Variants in SLFN5 observed in about 807,000 individuals in gnomAD.
SLFN5 encodes schlafen family member 5.
A neutral mutation model predicts 48.5 loss-of-function variants in SLFN5; 34 were observed. That is an observed-to-expected ratio of 0.70 (90% CI 0.53 to 0.93). The LOEUF (loss-of-function observed/expected upper bound fraction) is 0.93. Ranked by LOEUF, SLFN5 falls within the 40% of genes least tolerant of loss-of-function variation. The pLI, the probability that SLFN5 is intolerant of heterozygous loss-of-function variation, is 0.00. For synonymous variants in SLFN5, 387 were observed against 396.2 expected (o/e 0.98, Z 0.28); for missense variants, 1,006 against 1,071.3 (o/e 0.94, Z 0.85).
intron 1 of SLFN5, among the ~76,000 whole-genome samples, 177 bp from the exon 2 acceptor site, chr17:35,258,474 A>G (rs1184117307): frequency 6.6e-6 from 1 of 152,170 alleles, no homozygotes; most frequent in Non-Finnish European, 1.5e-5. Flanking sequence ...GCTTCCTCCT[A>G]CAACATGTGG....
At chr17:35,261,182 A>ATAAGACC in intron 3 of SLFN5, 86 bp downstream of exon 3, 1 of 1,465,446 alleles carries the variant, frequency 6.8e-7, no homozygotes, top group Non-Finnish European at 9.1e-7. Flanking sequence ...TATATACAGA[A>ATAAGACC]TCAATTCCAG....
chr17:35,258,823 C>T lies in SLFN5; in HGVS notation c.133C>T (p.Arg45Ter), dbSNP rs147085757. 85 of 1,613,994 alleles carry T rather than the reference C, an allele frequency of 5.3e-5. No individual in the cohort carries two copies. The Middle Eastern group carries it at 2.0e-3, about 37-fold the overall frequency. ...GGAGAAACAGAATGAAATCATCCTGCGAGCAGTATGTGCTCTGCTGAATTC... is the reference window on the plus strand; with the variant it reads ...GGAGAAACAGAATGAAATCATCCTGTGAGCAGTATGTGCTCTGCTGAATTC... ...LREKQNEIIL[R>*]AVCALLNSGG... Residue 45 changes from arginine (R) to a stop codon, truncating the protein, a stop_gained, in exon 2 of 5, where the codon CGA (arginine) becomes TGA (stop). Coordinates refer to ENST00000299977, the MANE Select transcript of SLFN5 (RefSeq NM_144975.4). LOFTEE classifies it high-confidence loss of function.
chr17:35,250,039 T>C (rs548444837), intron 1 of SLFN5, among the ~76,000 whole-genome samples: 25 of 152,230 alleles, frequency 1.6e-4, no homozygotes, highest in African/African-American at 5.8e-4. Context: ...TATGCAAAGG[T>C]CCTCTCCTAT....
intron 1 of SLFN5, among the ~76,000 whole-genome samples, chr17:35,245,732 A>G (rs1401303529): frequency 6.6e-6 from 1 of 152,108 alleles, no homozygotes; most frequent in Non-Finnish European, 1.5e-5. Flanking sequence ...TTCTTCATTC[A>G]TCTACTGATG....
chr17:35,254,476 G>A (rs1421679911), intron 1 of SLFN5, among the ~76,000 whole-genome samples: 1 of 152,166 alleles, frequency 6.6e-6, no homozygotes, highest in East Asian at 1.9e-4. Context: ...AATGCAGGGG[G>A]CAGGGCAAAG....
intron 3 of SLFN5, among the ~76,000 whole-genome samples, chr17:35,262,379 CAAAA>C (rs559686060): frequency 2.0e-5 from 1 of 51,276 alleles, no homozygotes; most frequent in Non-Finnish European, 4.1e-5. Context: ...GACTCCATCT[CAAAA>C]AAAAAAAAAA....
chr17:35,267,837 C>T lies in SLFN5; in HGVS notation c.*1949C>T, dbSNP rs543952534. ...AGATGTCACATAAAGAAAAGAAAAC[C>T]AGAATTCTTGTTAATATGGCCAGTT... is the stretch of plus-strand genomic sequence containing the variant. On this transcript the variant is annotated 3_prime_UTR_variant, in exon 5 of 5. Transcript: ENST00000299977. 29 of 152,290 alleles carry T rather than the reference C, an allele frequency of 1.9e-4. No homozygotes were observed. Among genetic ancestry groups the T allele is most frequent in the African/African-American group, 7.0e-4 (29 of 41,542 alleles). 9.4% of individuals were successfully genotyped at this position (152,290 alleles called of 1,614,324 possible).
chr17:35,258,873 G>A lies in SLFN5; in HGVS notation c.183G>A (p.Glu61=), dbSNP rs888491538. ...LNSGGGIIKA[E]IENKGYNYER... is the part of the protein sequence containing the mutation. ...CTGGTGGGGGCATAATCAAGGCTGA[G>A]ATTGAGAACAAAGGCTACAATTATG... The change falls in exon 2 of 5, where the codon GAG becomes GAA. Residue 61 remains glutamate (E), a synonymous_variant. Transcript: ENST00000299977. The A allele has an allele frequency of 1.4e-5, 22 of 1,614,084 alleles. No individual in the cohort carries two copies. The highest frequency in any genetic ancestry group is 2.7e-5 in the African/African-American group (2 of 74,924).
In SLFN5 at chr17:35,261,017, T is replaced by C. The variant is rs1432165851; in HGVS notation, c.1059T>C (p.Ser353=). The change falls in exon 3 of 5, where the codon TCT becomes TCC. Residue 353 remains serine (S), a synonymous_variant. Transcript: ENST00000299977. ...TGGTTCTCCAGTTGAGTTTGTCATC[T>C]GCCACGCCCCGCAGCAAGCCTGTGT... The part of the protein sequence containing the change: ...PEMVLQLSLS[S]ATPRSKPVCI... The C allele has an allele frequency of 6.2e-7, 1 of 1,614,064 alleles. No homozygotes were observed. Among genetic ancestry groups the C allele is most frequent in the South Asian group, 1.1e-5 (1 of 91,082 alleles).
intron 1 of SLFN5, among the ~76,000 whole-genome samples, chr17:35,251,703 C>CTTT (rs34854448): frequency 1.2e-5 from 1 of 84,970 alleles, no homozygotes; most frequent in African/African-American, 4.6e-5. Flanking sequence ...GGCGCCCGGA[C>CTTT]TTTTTTTTTT....
Position 35,265,697 on chromosome 17 carries a change from A to G in SLFN5, c.2485A>G (p.Ile829Val), listed in dbSNP as rs762321579. 9.9e-6 allele frequency: 16 copies of G among 1,614,100 alleles called. No homozygotes were observed. Among genetic ancestry groups the G allele is most frequent in the Non-Finnish European group, 1.4e-5 (16 of 1,180,042 alleles). Residue 829 changes from isoleucine to valine, a missense_variant, in exon 5 of 5, where the codon ATC becomes GTC. By Grantham distance (29) the Ile-to-Val change is conservative (BLOSUM62 3). Coordinates refer to ENST00000299977, the MANE Select transcript of SLFN5 (RefSeq NM_144975.4). ...LHEESDLLLQ[I>V]GDASDVLTDH... ...TGAGGAGTCTGATCTGTTACTACAG[A>G]TCGGTGATGCGTCGGATGTTCTAAC...
intron 1 of SLFN5, among the ~76,000 whole-genome samples, chr17:35,247,428 G>A (rs1484787930): frequency 1.3e-5 from 2 of 152,112 alleles, no homozygotes; most frequent in East Asian, 1.9e-4. Flanking sequence ...TAGTTTCCTT[G>A]CAGGTTCCAC....
At chr17:35,246,887 A>G (rs959754790) in intron 1 of SLFN5, among the ~76,000 whole-genome samples, 17 of 152,084 alleles carry the variant, frequency 1.1e-4, no homozygotes, top group African/African-American at 4.1e-4. Context: ...TGTTCATCTA[A>G]TATCATCTGT....
At chr17:35,257,750 G>A (rs1904387706) in intron 1 of SLFN5, among the ~76,000 whole-genome samples, 1 of 152,062 alleles carries the variant, frequency 6.6e-6, no homozygotes, top group Admixed American at 6.6e-5. Context: ...TGGATTAGGG[G>A]AAGCTGACGT....
At chr17:35,246,747 A>G (rs2092431588) in intron 1 of SLFN5, among the ~76,000 whole-genome samples, 1 of 151,894 alleles carries the variant, frequency 6.6e-6, no homozygotes, top group African/African-American at 2.4e-5. Context: ...CCCAGCTACT[A>G]GAGAGGCTGA....
chr17:35,258,969 C>T lies in SLFN5; in HGVS notation c.279C>T (p.Asn93=). The T allele has an allele frequency of 2.5e-6, 4 of 1,614,088 alleles. No individual in the cohort carries two copies. Among genetic ancestry groups the T allele is most frequent in the Non-Finnish European group, 3.4e-6 (4 of 1,180,014 alleles). Residue 93 remains asparagine (N), a synonymous_variant, in exon 2 of 5, where the codon AAC becomes AAT. Transcript: ENST00000299977. ...ATTTAGATAAGATGCAGAAGGAAAA[C>T]CACTTTTTGATTTTTGTGAAATCAT... ...RSHLDKMQKE[N]HFLIFVKSWN... is the part of the protein sequence containing the mutation.
At chr17:35,249,458 TATAAA>T (rs2092437638) in intron 1 of SLFN5, among the ~76,000 whole-genome samples, 1 of 152,226 alleles carries the variant, frequency 6.6e-6, no homozygotes, top group Non-Finnish European at 1.5e-5. Context: ...GTGATTTAAC[TATAAA>T]TACAGGTGGT....
chr17:35,264,783 C>T lies in SLFN5; in HGVS notation c.1739C>T (p.Pro580Leu). 2 of 1,597,122 alleles carry T rather than the reference C, an allele frequency of 1.3e-6. No individual in the cohort carries two copies. Among genetic ancestry groups the T allele is most frequent in the Non-Finnish European group, 1.7e-6 (2 of 1,173,880 alleles). ...KTRELFVHGL[P>L]GSGKTILALR... ...AGAGAGTTGTTTGTTCATGGCTTACCTGGATCAGGGAAGACTATCTTGGCT... is the reference window on the plus strand; with the variant it reads ...AGAGAGTTGTTTGTTCATGGCTTACTTGGATCAGGGAAGACTATCTTGGCT... The change falls in exon 4 of 5, where the codon CCT becomes CTT. Residue 580 changes from proline to leucine, a missense_variant. Physicochemically the swap from Pro to Leu is moderately conservative, Grantham distance 98 (BLOSUM62 -3). Transcript: ENST00000299977.
intron 1 of SLFN5, among the ~76,000 whole-genome samples, chr17:35,256,923 G>A (rs1157034129): frequency 2.6e-5 from 4 of 152,122 alleles, no homozygotes; most frequent in African/African-American, 4.8e-5. Flanking sequence ...GAGCATTACC[G>A]CCTGAGCTTT....
Sources: allele counts gnomAD v4.1 joint callset (sites outside exome capture counted in the v4.1 genomes callset), GRCh38; gene constraint gnomAD v4.1.1; transcripts MANE v1.5; gene names NCBI Gene and HGNC (gene_info 2026-07-23, HGNC 2026-07-21).